The following ADAT1 variants were observed in gnomAD, a reference collection of about 807,000 sequenced individuals.
ADAT1 encodes the protein adenosine deaminase tRNA specific 1, also known as tRNA-specific adenosine deaminase 1.
Under a neutral mutation model 58.6 loss-of-function variants are expected in ADAT1, and 58 were observed. The ratio of observed to expected loss-of-function variants is 0.99; its 90% CI spans 0.80 to 1.23. The LOEUF is 1.23. Among genes scored for constraint, ADAT1 ranks in the 50% most tolerant of loss-of-function variants. The pLI, the probability that ADAT1 is intolerant of heterozygous loss-of-function variation, is 0.00. For synonymous variants in ADAT1, 254 were observed against 220.8 expected, an observed-to-expected ratio of 1.15 and a Z score of -1.33; for missense variants, 741 against 608.6, an observed-to-expected ratio of 1.22 and a Z score of -2.29.
intron 6 of ADAT1, 31 bp from the exon 7 acceptor site, chr16:75,609,019 G>C: frequency 6.2e-7 from 1 of 1,612,986 alleles, no homozygotes; most frequent in African/African-American, 1.3e-5. Flanking sequence ...ATTCAGTTTA[G>C]GTGCATGCCT....
At chr16:75,612,977 C>T in intron 5 of ADAT1, 116 bp from the exon 6 acceptor site, 2 of 1,289,756 alleles carry the variant, frequency 1.6e-6, no homozygotes, top group East Asian at 4.9e-5. Context: ...CCACAGTAGA[C>T]CTGCTGAATC....
At chr16:75,617,389 G>A in intron 4 of ADAT1, 117 bp from the exon 5 acceptor site, 1 of 1,147,386 alleles carries the variant, frequency 8.7e-7, no homozygotes, top group South Asian at 1.6e-5. Context: ...GGTAGTGATG[G>A]GGAATTATGA....
intron 8 of ADAT1, among the ~76,000 whole-genome samples, chr16:75,607,643 C>T (rs1352638001): frequency 6.6e-6 from 1 of 152,042 alleles, no homozygotes; most frequent in South Asian, 2.1e-4. Context: ...TAAAATGGTA[C>T]AGCTGCTATG....
intron 5 of ADAT1, among the ~76,000 whole-genome samples, chr16:75,616,602 G>C (rs1266165558): frequency 6.6e-6 from 1 of 152,104 alleles, no homozygotes. Flanking sequence ...AGGTCTTCCT[G>C]TCTTATGCAA....
At chr16:75,610,198 A>C (rs914309154) in intron 6 of ADAT1, among the ~76,000 whole-genome samples, 2 of 152,106 alleles carry the variant, frequency 1.3e-5, no homozygotes, top group Admixed American at 6.6e-5. Flanking sequence ...ATCACATTTG[A>C]TTTATCCATT....
intron 2 of ADAT1, 83 bp downstream of exon 2, chr16:75,620,548 C>G: frequency 1.3e-6 from 2 of 1,531,940 alleles, no homozygotes; most frequent in South Asian, 2.4e-5. Context: ...ACACCCTACC[C>G]ACGACTGTAC....
rs1216537754 is a variant in ADAT1, at chr16:75,622,864, TG to T, written c.-484del. 1.3e-5 allele frequency: 2 copies of T among 152,208 alleles called. No homozygotes were observed. Among genetic ancestry groups the T allele is most frequent in the African/African-American group, 4.8e-5 (2 of 41,452 alleles). 9.4% of individuals were successfully genotyped at this position (152,208 alleles called of 1,614,324 possible). The stretch of plus-strand genomic sequence containing the variant: ...CAGCGATGCTTGGAGGAAGGGACTC[TG>T]GTTTACGCTGGCTCCCTTCCTAAAC... On this transcript the variant is annotated 5_prime_UTR_variant, in exon 1 of 10. Transcript: ENST00000564657.
intron 5 of ADAT1, among the ~76,000 whole-genome samples, chr16:75,613,195 C>T (rs960200808): frequency 1.3e-5 from 2 of 152,176 alleles, no homozygotes. Flanking sequence ...GTTGGAATTT[C>T]TGGAGAAGGG....
Position 75,615,469 on chromosome 16 carries a change from AGTTGATGAGCT to A in ADAT1, c.424+1662_424+1672del, listed in dbSNP as rs1788614523. On this transcript the variant is annotated intron_variant, in intron 5 of 9. Coordinates refer to ENST00000564657, the MANE Select transcript of ADAT1 (RefSeq NM_001324445.2). The stretch of plus-strand genomic sequence containing the variant: ...CACAAAATACACGAACGCAAACGAT[AGTTGATGAGCT>A]AAAAAAAAAAAAAAAAAAAAAAAAA... Among the ~76,000 whole-genome samples, 3 of 117,870 alleles carry A rather than the reference AGTTGATGAGCT, an allele frequency of 2.5e-5. No individual in the cohort carries two copies. The South Asian group carries it at 9.6e-4, about 38-fold the overall frequency. The allele number at this position is 117,870 out of a possible 152,430, so 77.3% of individuals were successfully genotyped here. A position where few individuals can be genotyped will look rare whatever the true frequency, so the allele number is the denominator to read the frequency against.
At chr16:75,610,292 T>C (rs72789442) in intron 6 of ADAT1, among the ~76,000 whole-genome samples, 1 of 152,082 alleles carries the variant, frequency 6.6e-6, no homozygotes, top group African/African-American at 2.4e-5. Context: ...GTTATATACA[T>C]ATACACTTTT....
At chr16:75,611,976 T>G (rs2081550755) in intron 6 of ADAT1, among the ~76,000 whole-genome samples, 2 of 152,054 alleles carry the variant, frequency 1.3e-5, no homozygotes. Context: ...GAGAATCACT[T>G]GAACCCAGGA....
chr16:75,601,367 T>G (rs559666282), intron 9 of ADAT1, among the ~76,000 whole-genome samples: 145 of 151,610 alleles, frequency 9.6e-4, no homozygotes, highest in African/African-American at 3.4e-3. Flanking sequence ...CAGTAACTAC[T>G]AGTTATCAAA....
At chr16:75,606,055 G>C (rs764831483) in intron 8 of ADAT1, among the ~76,000 whole-genome samples, 33 of 150,978 alleles carry the variant, frequency 2.2e-4, no homozygotes, top group Non-Finnish European at 4.0e-4. Context: ...AGAGATTGGG[G>C]GGGGGGTCTC....
chr16:75,617,162 A>G lies in ADAT1; in HGVS notation c.404T>C (p.Phe135Ser). ...WKLRRDLIFVFFSSHTPCGDA... is the reference protein window; with the variant it reads ...WKLRRDLIFVSFSSHTPCGDA... Reference sequence around the variant, plus strand: ...CTTACAGGGTGTATGGCTGGAGAAAAACACAAAAATGAGGTCTCGTCTAAG... The same window carrying G: ...CTTACAGGGTGTATGGCTGGAGAAAGACACAAAAATGAGGTCTCGTCTAAG... Residue 135 changes from phenylalanine (F) to serine (S), a missense_variant, in exon 5 of 10, where the codon TTT (phenylalanine) becomes TCT (serine). Physicochemically the swap from Phe to Ser is radical, Grantham distance 155. Transcript: ENST00000564657. 6.2e-7 allele frequency: 1 copy of G among 1,613,726 alleles called. No individual in the cohort carries two copies. Among genetic ancestry groups the G allele is most frequent in the Non-Finnish European group, 8.5e-7 (1 of 1,179,624 alleles).
chr16:75,607,167 T>A (rs2081393961), intron 8 of ADAT1, among the ~76,000 whole-genome samples: 1 of 152,178 alleles, frequency 6.6e-6, no homozygotes, highest in Admixed American at 6.5e-5. Flanking sequence ...CATAAAAAGA[T>A]GCTCAACACC....
At chr16:75,603,494 C>T (rs192807004) in intron 8 of ADAT1, among the ~76,000 whole-genome samples, 1 of 152,270 alleles carries the variant, frequency 6.6e-6, no homozygotes, top group Non-Finnish European at 1.5e-5. Context: ...AGGGTGCTGG[C>T]CCCTATGGGT....
At chr16:75,603,740 C>T (rs974598969) in intron 8 of ADAT1, among the ~76,000 whole-genome samples, 8 of 152,222 alleles carry the variant, frequency 5.3e-5, no homozygotes, top group African/African-American at 1.9e-4. Flanking sequence ...CCCACCCAGA[C>T]CTTCGTGGTT....
chr16:75,619,697 G>A (rs1355081721), intron 3 of ADAT1: 10 of 441,140 alleles, frequency 2.3e-5, no homozygotes, highest in Non-Finnish European at 4.1e-5. Context: ...GATCACCTGA[G>A]GTCAGGAGTT....
chr16:75,618,982 G>A (rs566220172), intron 3 of ADAT1, among the ~76,000 whole-genome samples: 40 of 152,174 alleles, frequency 2.6e-4, no homozygotes, highest in Non-Finnish European at 4.9e-4. Flanking sequence ...TAGACATTGC[G>A]AAATGTCCTC....
Sources: gnomAD v4.1 joint callset for allele counts (sites outside exome capture counted in the v4.1 genomes callset) on GRCh38, gnomAD v4.1.1 for gene constraint, MANE v1.5 for transcripts, NCBI Gene and HGNC (gene_info 2026-07-23, HGNC 2026-07-21) for gene names.